SPNS2: variants seen among roughly 807,000 people sequenced by gnomAD.
The protein encoded by SPNS2 is sphingosine-1-phosphate transporter SPNS2.
Under a neutral mutation model 57.6 loss-of-function variants are expected in SPNS2, and 37 were observed. That is an observed-to-expected ratio of 0.64 (90% confidence interval 0.49 to 0.85). The LOEUF is 0.85. Ranked by LOEUF, SPNS2 falls within the 40% of genes least tolerant of loss-of-function variation. The probability of loss-of-function intolerance (pLI) is 0.00; values close to 1 mark genes in which losing one functional copy is unlikely to be tolerated. For synonymous variants in SPNS2, 440 were observed against 346.9 expected, an observed-to-expected ratio of 1.27 and a Z score of -2.98; for missense variants, 831 against 779.1, an observed-to-expected ratio of 1.07 and a Z score of -0.79.
chr17:4,532,762 C>T (rs1905552085), intron 6 of SPNS2, 78 bp downstream of exon 6: 3 of 1,536,436 alleles, frequency 2.0e-6, no homozygotes, highest in Non-Finnish European at 2.6e-6. Context: ...CAGGGCAGCC[C>T]ACTAGCACCC....
chr17:4,533,358 G>A lies in SPNS2; in HGVS notation c.1204G>A (p.Val402Met), dbSNP rs61732936. ...TQRADPLVCA[V>M]GMLGSAIFIC... is the part of the protein sequence containing the mutation. ...GCGGGCCGACCCACTGGTGTGTGCC[G>A]TGGGCATGCTGGGCTCTGCCATCTT... is the stretch of plus-strand genomic sequence containing the variant. The change falls in exon 8 of 13, where the codon GTG (valine) becomes ATG (methionine). Residue 402 changes from valine (V) to methionine (M), a missense_variant. Around this residue, in one of 2 missense-constraint regions of SPNS2, gnomAD observed 526 missense variants for 400.9 expected, o/e 1.31. Transcript: ENST00000329078. 44 of 1,611,548 alleles carry A rather than the reference G, an allele frequency of 2.7e-5. No individual in the cohort carries two copies. The highest frequency in any genetic ancestry group is 1.1e-4 in the East Asian group (5 of 44,882).
Position 4,537,786 on chromosome 17 carries a change from G to C in SPNS2, c.*338G>C. 2.2e-6 allele frequency: 1 copy of C among 455,620 alleles called. No homozygotes were observed. Among genetic ancestry groups the C allele is most frequent in the Non-Finnish European group, 4.4e-6 (1 of 226,012 alleles). The allele number at this position is 455,620 out of a possible 1,614,324, so 28.2% of individuals were successfully genotyped here. A position where few individuals can be genotyped will look rare whatever the true frequency, so the allele number is the denominator to read the frequency against. On this transcript the variant is annotated 3_prime_UTR_variant, in exon 13 of 13. Coordinates refer to ENST00000329078, the MANE Select transcript of SPNS2 (RefSeq NM_001124758.3). ...CACCAGCTTATGTGATCTTGGGCAA[G>C]TCCCTGCCCTCCCTGGAACGAAGGG...
At chr17:4,514,796 C>G (rs1332816400) in intron 2 of SPNS2, among the ~76,000 whole-genome samples, 1 of 152,246 alleles carries the variant, frequency 6.6e-6, no homozygotes, top group Non-Finnish European at 1.5e-5. Context: ...AGCACTGCAG[C>G]TGGGAAATGG....
chr17:4,508,456 A>G (rs947182718), intron 1 of SPNS2, among the ~76,000 whole-genome samples: 10 of 152,210 alleles, frequency 6.6e-5, no homozygotes, highest in Admixed American at 5.2e-4. Context: ...ATTCTCAGGC[A>G]GGTTTGGGGA....
At position 4,509,197 on chromosome 17, in the gene SPNS2, G is replaced by A. The variant is rs575847098; in HGVS notation, c.371-4050G>A. On this transcript the variant is annotated intron_variant, in intron 1 of 12. Transcript: ENST00000329078. ...GAGGCTGGGAAACAGGGATGAGAGC[G>A]TCCAGGGGTTGAGCCTCCAGGAGGT... Among the ~76,000 whole-genome samples, 31 of 152,310 alleles carry A rather than the reference G, an allele frequency of 2.0e-4. 1 individual carries two copies. In the South Asian group the frequency reaches 6.0e-3, roughly 29 times the overall value.
chr17:4,514,614 C>G (rs1904939923), intron 2 of SPNS2, among the ~76,000 whole-genome samples: 1 of 152,176 alleles, frequency 6.6e-6, no homozygotes, highest in Non-Finnish European at 1.5e-5. Context: ...TCCAGTATCC[C>G]CTATAGGTGG....
At chr17:4,519,508 G>A (rs1478733281) in intron 2 of SPNS2, among the ~76,000 whole-genome samples, 1 of 143,374 alleles carries the variant, frequency 7.0e-6, no homozygotes, top group African/African-American at 2.6e-5. Flanking sequence ...CGAGGCAGGC[G>A]GGCTGGTCTG....
rs942212693 is a variant in SPNS2 at position 4,509,771 on chromosome 17, C to A, written c.371-3476C>A. Among the ~76,000 whole-genome samples the A allele has an allele frequency of 2.0e-5, 3 of 152,246 alleles. No homozygotes were observed. In the South Asian group the frequency reaches 6.2e-4, roughly 31 times the overall value. Reference sequence around the variant, plus strand: ...AGAATGTTTTCTTGGGTGATGAGAACCCTGTGGCTAGGAGACGATTCCAGC... The same window carrying A: ...AGAATGTTTTCTTGGGTGATGAGAAACCTGTGGCTAGGAGACGATTCCAGC... On this transcript the variant is annotated intron_variant, in intron 1 of 12. Transcript: ENST00000329078.
intron 2 of SPNS2, among the ~76,000 whole-genome samples, chr17:4,518,368 C>T (rs1905049594): frequency 6.6e-6 from 1 of 152,082 alleles, no homozygotes; most frequent in South Asian, 2.1e-4. Flanking sequence ...GCTAAAAATA[C>T]AAAAAATTAG....
chr17:4,536,786 G>C, intron 11 of SPNS2, 114 bp from the exon 12 acceptor site: 1 of 857,294 alleles, frequency 1.2e-6, no homozygotes, highest in South Asian at 1.4e-5. Context: ...GGCTGACGAG[G>C]TCCCTGCCCA....
In SPNS2 at chr17:4,537,878, C is replaced by G. The variant is rs1228902425; in HGVS notation, c.*430C>G. ...ACGATCTGCAGCTTTGAAGACTCAA[C>G]AGACCCTGGACCATACGGAGAGCAG... On this transcript the variant is annotated 3_prime_UTR_variant, in exon 13 of 13. Coordinates refer to ENST00000329078, the MANE Select transcript of SPNS2 (RefSeq NM_001124758.3). 2 of 449,672 alleles carry G rather than the reference C, an allele frequency of 4.4e-6. No individual in the cohort carries two copies. The highest frequency in any genetic ancestry group is 9.0e-6 in the Non-Finnish European group (2 of 222,166). The allele number at this position is 449,672 out of a possible 1,614,324, so 27.9% of individuals were successfully genotyped here. A position where few individuals can be genotyped will look rare whatever the true frequency, so the allele number is the denominator to read the frequency against.
In SPNS2 at chr17:4,498,891, G is replaced by A. The variant is rs1292600609; in HGVS notation, c.-157G>A. 9 of 256,846 alleles carry A rather than the reference G, an allele frequency of 3.5e-5. No individual in the cohort carries two copies. In the South Asian group the frequency reaches 1.2e-3, roughly 33 times the overall value. The allele number at this position is 256,846 out of a possible 1,614,324, so 15.9% of individuals were successfully genotyped here. A position where few individuals can be genotyped will look rare whatever the true frequency, so the allele number is the denominator to read the frequency against. ...GGCGGCGAACGAGGCGCAGCGAGCT[G>A]AGCGGTGGCAGCGCCGCAGCCGGGG... On this transcript the variant is annotated 5_prime_UTR_variant, in exon 1 of 13. Coordinates refer to ENST00000329078, the MANE Select transcript of SPNS2 (RefSeq NM_001124758.3).
chr17:4,525,407 A>G (rs1905242026), intron 3 of SPNS2, among the ~76,000 whole-genome samples: 1 of 152,180 alleles, frequency 6.6e-6, no homozygotes, highest in African/African-American at 2.4e-5. Context: ...CTGACCTGAG[A>G]GCCTTCCAGC....
chr17:4,500,109 G>A (rs896982956), intron 1 of SPNS2, among the ~76,000 whole-genome samples: 1 of 152,206 alleles, frequency 6.6e-6, no homozygotes, highest in Non-Finnish European at 1.5e-5. Context: ...GGTGCTTGGG[G>A]TGTAGGGTAG....
intron 1 of SPNS2, among the ~76,000 whole-genome samples, chr17:4,502,098 G>A (rs894036867): frequency 5.3e-5 from 8 of 152,036 alleles, no homozygotes; most frequent in African/African-American, 1.2e-4. Context: ...TGTTAGGGCT[G>A]GGCGCGGTGG....
At chr17:4,532,499 G>A (rs1198227889) in intron 5 of SPNS2, 43 bp from the exon 6 acceptor site, 1 of 1,613,932 alleles carries the variant, frequency 6.2e-7, no homozygotes, top group East Asian at 2.2e-5. Flanking sequence ...GCAGGGACGA[G>A]GCTCACTGGG....
intron 2 of SPNS2, among the ~76,000 whole-genome samples, chr17:4,515,513 T>C (rs774834638): frequency 1.8e-4 from 27 of 152,172 alleles, no homozygotes; most frequent in Non-Finnish European, 3.2e-4. Flanking sequence ...GACCCTCTAG[T>C]CTGTACACCA....
intron 1 of SPNS2, among the ~76,000 whole-genome samples, chr17:4,508,814 A>G (rs770955806): frequency 6.6e-6 from 1 of 152,132 alleles, no homozygotes; most frequent in Non-Finnish European, 1.5e-5. Context: ...GTGGATCTTA[A>G]AGGACTGATG....
chr17:4,508,419 T>TAA (rs926869119), intron 1 of SPNS2, among the ~76,000 whole-genome samples: 9 of 152,222 alleles, frequency 5.9e-5, no homozygotes, highest in African/African-American at 2.2e-4. Flanking sequence ...TGTATTTTAA[T>TAA]AAGCACCTTC....
Sources: gnomAD v4.1 joint callset for allele counts (sites outside exome capture counted in the v4.1 genomes callset) on GRCh38, gnomAD v4.1.1 for gene constraint, gnomAD v4.1.1 regional missense constraint, MANE v1.5 for transcripts, NCBI Gene and HGNC (gene_info 2026-07-23, HGNC 2026-07-21) for gene names.